The following RABGAP1L variants were observed in gnomAD, a reference collection of about 807,000 sequenced individuals.
RABGAP1L encodes the protein rab GTPase-activating protein 1-like.
A neutral mutation model predicts 137.7 loss-of-function variants in RABGAP1L; 63 were observed. The observed-to-expected ratio is 0.46, with a 90% confidence interval of 0.37 to 0.56. The LOEUF is 0.56. RABGAP1L is among the 20% of genes least tolerant of loss of function. RABGAP1L has a pLI of 0.00. For missense variants in RABGAP1L, 1,095 were observed against 1,244.0 expected (o/e 0.88, Z 1.80); for synonymous variants, 431 against 433.7 (o/e 0.99, Z 0.08).
intron 19 of RABGAP1L, among the ~76,000 whole-genome samples, chr1:174,883,484 T>A (rs976391318): frequency 1.3e-5 from 2 of 152,174 alleles, no homozygotes; most frequent in Non-Finnish European, 2.9e-5. Flanking sequence ...TTACTTTGCT[T>A]GATTAGGGAA....
chr1:174,164,504 G>T (rs1290177172), intron 1 of RABGAP1L, among the ~76,000 whole-genome samples: 1 of 152,106 alleles, frequency 6.6e-6, no homozygotes, highest in African/African-American at 2.4e-5. Flanking sequence ...TCTTTTCAGG[G>T]CCCTACTGAG....
chr1:174,588,368 T>A (rs1669287739), intron 13 of RABGAP1L, among the ~76,000 whole-genome samples: 1 of 152,094 alleles, frequency 6.6e-6, no homozygotes, highest in Non-Finnish European at 1.5e-5. Flanking sequence ...TTTCATCATG[T>A]TGGCCAGGCT....
At chr1:174,464,117 A>G (rs1054345907) in intron 13 of RABGAP1L, among the ~76,000 whole-genome samples, 3 of 152,286 alleles carry the variant, frequency 2.0e-5, no homozygotes, top group African/African-American at 7.2e-5. Context: ...TTTAATACAG[A>G]TACCTTTAGC....
intron 14 of RABGAP1L, among the ~76,000 whole-genome samples, chr1:174,671,467 G>T (rs183186779): frequency 6.6e-5 from 10 of 152,232 alleles, no homozygotes; most frequent in Admixed American, 5.2e-4. Context: ...GGCCATTACT[G>T]TTTTGAGGTA....
At chr1:174,387,343 A>G (rs906406049) in intron 12 of RABGAP1L, among the ~76,000 whole-genome samples, 9 of 152,210 alleles carry the variant, frequency 5.9e-5, no homozygotes, top group African/African-American at 1.9e-4. Context: ...AAGGTTTACC[A>G]TGTTATAGAG....
At chr1:174,982,143 T>G (rs1671191338) in intron 23 of RABGAP1L, among the ~76,000 whole-genome samples, 1 of 151,940 alleles carries the variant, frequency 6.6e-6, no homozygotes, top group Non-Finnish European at 1.5e-5. Flanking sequence ...TCTGCCACCT[T>G]TTTTTAATAC....
Position 174,221,060 on chromosome 1 carries a change from A to T in RABGAP1L, c.227A>T (p.Asp76Val). The change falls in exon 3 of 26, where the codon GAT becomes GTT. Residue 76 changes from aspartate (D) to valine (V), a missense_variant. Asp to Val is a radical substitution (Grantham distance 152). Around this residue, in one of 4 missense-constraint regions of RABGAP1L, gnomAD observed 356 missense variants for 326.3 expected, o/e 1.09. Transcript: ENST00000681986. ...AAAAGGCCAAGCAGTCTTCTTGTTG[A>T]TTGTCAAAGTTCCAGTGAGATTTCA... ...SEKRPSSLLV[D>V]CQSSSEISDH... The T allele has an allele frequency of 6.2e-7, 1 of 1,613,948 alleles. No individual in the cohort carries two copies. Among genetic ancestry groups the T allele is most frequent in the Non-Finnish European group, 8.5e-7 (1 of 1,179,920 alleles).
chr1:174,459,239 T>C (rs1334375979), intron 13 of RABGAP1L, among the ~76,000 whole-genome samples: 1 of 152,180 alleles, frequency 6.6e-6, no homozygotes, highest in East Asian at 1.9e-4. Flanking sequence ...ATACATTATT[T>C]AATAATATTT....
chr1:174,425,803 G>C (rs1457986079), intron 13 of RABGAP1L, among the ~76,000 whole-genome samples: 1 of 151,974 alleles, frequency 6.6e-6, no homozygotes, highest in East Asian at 1.9e-4. Context: ...AAAATTTACA[G>C]ATATAAAGAC....
chr1:174,207,907 G>C (rs1668611884), intron 1 of RABGAP1L, among the ~76,000 whole-genome samples: 1 of 152,118 alleles, frequency 6.6e-6, no homozygotes, highest in Non-Finnish European at 1.5e-5. Flanking sequence ...TTGTAGTTGG[G>C]TGTTCAGTGC....
intron 14 of RABGAP1L, among the ~76,000 whole-genome samples, chr1:174,641,000 T>C (rs1019105207): frequency 6.8e-6 from 1 of 147,628 alleles, no homozygotes; most frequent in Non-Finnish European, 1.5e-5. Context: ...TAGATTATAT[T>C]AATTAAATAT....
intron 11 of RABGAP1L, among the ~76,000 whole-genome samples, chr1:174,333,171 G>A (rs535303339): frequency 1.3e-5 from 2 of 152,288 alleles, no homozygotes; most frequent in East Asian, 1.9e-4. Context: ...GGGAGAATGA[G>A]GAGAGGGTAG....
chr1:174,332,521 G>A (rs755874750), intron 11 of RABGAP1L, among the ~76,000 whole-genome samples: 8 of 151,920 alleles, frequency 5.3e-5, no homozygotes, highest in Admixed American at 2.6e-4. Flanking sequence ...TCAGCCTCCC[G>A]AGTAGCTGTG....
chr1:174,816,817 C>T (rs368147425), intron 19 of RABGAP1L, among the ~76,000 whole-genome samples: 152 of 148,544 alleles, frequency 1.0e-3, no homozygotes, highest in African/African-American at 3.4e-3. Context: ...CTGCAACCTT[C>T]GCCTCCCTGG....
At chr1:174,954,776 T>A (rs1333494964) in intron 19 of RABGAP1L, among the ~76,000 whole-genome samples, 1 of 152,188 alleles carries the variant, frequency 6.6e-6, no homozygotes, top group African/African-American at 2.4e-5. Context: ...ACAATACCTT[T>A]AGCTGCTCCC....
At chr1:174,327,745 C>T (rs189001203) in intron 11 of RABGAP1L, among the ~76,000 whole-genome samples, 96 of 151,422 alleles carry the variant, frequency 6.3e-4, no homozygotes, top group Non-Finnish European at 1.1e-3. Flanking sequence ...ATGCTGCCCC[C>T]AAGAGACTCA....
chr1:174,356,178 T>A (rs963355744), intron 11 of RABGAP1L, among the ~76,000 whole-genome samples: 52 of 152,294 alleles, frequency 3.4e-4, no homozygotes, highest in African/African-American at 1.2e-3. Context: ...AGATCTGTGC[T>A]TCTTCCTACA....
chr1:174,219,230 T>A lies in RABGAP1L; in HGVS notation c.73T>A (p.Phe25Ile). 2 of 1,603,614 alleles carry A rather than the reference T, an allele frequency of 1.2e-6. No homozygotes were observed. The highest frequency in any genetic ancestry group is 1.7e-6 in the Non-Finnish European group (2 of 1,173,108). Residue 25 changes from phenylalanine (F) to isoleucine (I), a missense_variant, in exon 2 of 26, where the codon TTT becomes ATT. Phe to Ile is a conservative substitution (Grantham distance 21, BLOSUM62 0). Transcript: ENST00000681986. ...TGTGGCTACAATGAACAGTGAAGAA[T>A]TTGTTTTGGTTCCTCAGTATGCAGA... ...DSVATMNSEE[F>I]VLVPQYADDN...
chr1:174,983,181 A>T (rs1253813512), intron 24 of RABGAP1L, among the ~76,000 whole-genome samples: 1 of 152,190 alleles, frequency 6.6e-6, no homozygotes, highest in Non-Finnish European at 1.5e-5. Context: ...GCTTGAGATG[A>T]GAGTGGTATG....
Sources: gnomAD v4.1 joint callset for allele counts (sites outside exome capture counted in the v4.1 genomes callset) on GRCh38, gnomAD v4.1.1 for gene constraint, gnomAD v4.1.1 regional missense constraint, MANE v1.5 for transcripts, NCBI Gene and HGNC (gene_info 2026-07-23, HGNC 2026-07-21) for gene names.